The following FGD6 variants were observed in gnomAD, a reference collection of about 807,000 sequenced individuals.
The protein encoded by FGD6 is FYVE, RhoGEF and PH domain-containing protein 6.
A neutral mutation model predicts 149.4 loss-of-function variants in FGD6; 90 were observed. The ratio of observed to expected loss-of-function variants is 0.60; its 90% confidence interval spans 0.51 to 0.72. FGD6 has a LOEUF of 0.72. FGD6 is among the 30% of genes least tolerant of loss of function. The pLI is 0.00. For missense variants in FGD6, 1,437 were observed against 1,684.8 expected (o/e 0.85, Z 2.57); for synonymous variants, 527 against 584.0 (o/e 0.90, Z 1.41).
chr12:95,197,604 C>T (rs1389602845), intron 2 of FGD6, among the ~76,000 whole-genome samples: 2 of 152,086 alleles, frequency 1.3e-5, no homozygotes, highest in African/African-American at 2.4e-5. Context: ...AGGGTATTAT[C>T]TTATTACAAA....
At chr12:95,120,383 ATTAAAG>A (rs1879153615) in intron 8 of FGD6, among the ~76,000 whole-genome samples, 1 of 151,402 alleles carries the variant, frequency 6.6e-6, no homozygotes, top group Non-Finnish European at 1.5e-5. Flanking sequence ...ATAGAAAAAA[ATTAAAG>A]TTAAAAAAAA....
intron 2 of FGD6, among the ~76,000 whole-genome samples, chr12:95,180,956 C>T (rs573164052): frequency 1.4e-4 from 21 of 151,062 alleles, no homozygotes; most frequent in African/African-American, 5.1e-4. Context: ...AACCCCCAGA[C>T]TTGGAGGTCT....
At chr12:95,204,657 T>A (rs2056684397) in intron 2 of FGD6, among the ~76,000 whole-genome samples, 1 of 152,136 alleles carries the variant, frequency 6.6e-6, no homozygotes, top group Non-Finnish European at 1.5e-5. Context: ...AACCCCACCC[T>A]GGCTACCGCC....
intron 5 of FGD6, among the ~76,000 whole-genome samples, chr12:95,148,686 T>C (rs186816904): frequency 0.079 from 3,637 of 46,254 alleles, 205 homozygotes; most frequent in African/African-American, 0.13. Flanking sequence ...TGTTATATTA[T>C]ATATATTATA....
intron 2 of FGD6, among the ~76,000 whole-genome samples, chr12:95,195,300 T>C (rs1592872557): frequency 6.6e-6 from 1 of 152,094 alleles, no homozygotes; most frequent in East Asian, 1.9e-4. Context: ...TCAACTGTCA[T>C]CAGGTAGGAA....
rs181557983 is a variant in FGD6 at position 95,085,854 on chromosome 12, C to T, written c.4033G>A (p.Gly1345Ser). 5.6e-6 allele frequency: 9 copies of T among 1,613,352 alleles called. No homozygotes were observed. The East Asian group carries it at 2.0e-4, about 36-fold the overall frequency. The change falls in exon 19 of 21, where the codon GGC (glycine) becomes AGC (serine). Residue 1345 changes from glycine (G) to serine (S), a missense_variant. By Grantham distance (56) the Gly-to-Ser change is moderately conservative. Around this residue, in one of 2 missense-constraint regions of FGD6, gnomAD observed 382 missense variants for 538.7 expected, o/e 0.71. Coordinates refer to ENST00000343958, the MANE Select transcript of FGD6 (RefSeq NM_018351.4). ...AAGTGTTTCCAGGGTTTTTTATTGC[C>T]CTTTGATCTGTACAAGTAGCCACTC... ...SMSGYLYRSK[G>S]NKKPWKHFWF...
chr12:95,123,344 G>C (rs557611786), intron 8 of FGD6, among the ~76,000 whole-genome samples: 1 of 152,140 alleles, frequency 6.6e-6, no homozygotes, highest in Admixed American at 6.6e-5. Context: ...AATTATGTAA[G>C]GAAGCCCTGA....
chr12:95,156,012 TCTTTA>T (rs545240199), intron 3 of FGD6, among the ~76,000 whole-genome samples: 1,759 of 152,328 alleles, frequency 0.012, 16 homozygotes, highest in Non-Finnish European at 0.017. Flanking sequence ...CCTATGCCTG[TCTTTA>T]CTTTAATCTC....
At chr12:95,148,614 AT>A (rs1168459520) in intron 5 of FGD6, among the ~76,000 whole-genome samples, 3 of 130,488 alleles carry the variant, frequency 2.3e-5, no homozygotes, top group African/African-American at 8.7e-5. Context: ...TGTTATATAT[AT>A]TATATAATAC....
At chr12:95,115,378 C>T (rs576650663) in intron 8 of FGD6, among the ~76,000 whole-genome samples, 19 of 147,902 alleles carry the variant, frequency 1.3e-4, no homozygotes, top group Non-Finnish European at 2.4e-4. Flanking sequence ...GCTATGACTA[C>T]TGGTGTGTGC....
chr12:95,206,225 A>T (rs938019420), intron 2 of FGD6, among the ~76,000 whole-genome samples: 6 of 151,158 alleles, frequency 4.0e-5, no homozygotes, highest in African/African-American at 1.5e-4. Context: ...TAAAGTGATT[A>T]AAAAAAAAAT....
chr12:95,171,617 G>A (rs555093821), intron 3 of FGD6, among the ~76,000 whole-genome samples: 14 of 152,140 alleles, frequency 9.2e-5, no homozygotes, highest in Non-Finnish European at 1.6e-4. Context: ...CCGGGTTCAC[G>A]CCATTCTCCC....
At chr12:95,156,884 G>T (rs1014777485) in intron 3 of FGD6, among the ~76,000 whole-genome samples, 3 of 151,972 alleles carry the variant, frequency 2.0e-5, no homozygotes, top group African/African-American at 7.3e-5. Context: ...CCAATATCTG[G>T]CTGAATTTCC....
chr12:95,102,625 T>C (rs894231761), intron 14 of FGD6, among the ~76,000 whole-genome samples: 1 of 152,140 alleles, frequency 6.6e-6, no homozygotes, highest in Admixed American at 6.5e-5. Flanking sequence ...TGACAAACCC[T>C]AGACACAGGT....
intron 6 of FGD6, among the ~76,000 whole-genome samples, chr12:95,141,038 A>G (rs1205983352): frequency 2.0e-5 from 3 of 152,134 alleles, no homozygotes; most frequent in Non-Finnish European, 2.9e-5. Context: ...CCTGGCCAAC[A>G]CGGTGAAACC....
intron 19 of FGD6, among the ~76,000 whole-genome samples, chr12:95,085,107 A>C (rs1877814748): frequency 1.3e-5 from 2 of 152,138 alleles, no homozygotes; most frequent in Admixed American, 6.5e-5. Flanking sequence ...TTTATAATCC[A>C]AAAAAGCCTA....
At chr12:95,176,977 G>C (rs552087983) in intron 2 of FGD6, among the ~76,000 whole-genome samples, 1 of 152,032 alleles carries the variant, frequency 6.6e-6, no homozygotes, top group Non-Finnish European at 1.5e-5. Context: ...ATAGGTGTAC[G>C]CCACCATGCC....
chr12:95,124,527 G>C (rs1209157428), intron 8 of FGD6, among the ~76,000 whole-genome samples: 1 of 152,174 alleles, frequency 6.6e-6, no homozygotes, highest in Non-Finnish European at 1.5e-5. Flanking sequence ...AAAACTGTGA[G>C]AGCAACTTTA....
At chr12:95,083,590 A>G (rs375653121) in intron 20 of FGD6, among the ~76,000 whole-genome samples, 1 of 152,240 alleles carries the variant, frequency 6.6e-6, no homozygotes, top group African/African-American at 2.4e-5. Context: ...ATTTGGAAGA[A>G]TAGCTATATA....
Sources: gnomAD v4.1 joint callset for allele counts (sites outside exome capture counted in the v4.1 genomes callset) on GRCh38, gnomAD v4.1.1 for gene constraint, gnomAD v4.1.1 regional missense constraint, MANE v1.5 for transcripts, NCBI Gene and HGNC (gene_info 2026-07-23, HGNC 2026-07-21) for gene names.